HDAC9: variants seen among roughly 807,000 people sequenced by gnomAD.
HDAC9 encodes MEF-2 interacting transcription repressor (MITR) protein.
Under a neutral mutation model 139.4 loss-of-function variants are expected in HDAC9, and 41 were observed. The observed-to-expected ratio is 0.29, with a 90% confidence interval of 0.23 to 0.38. The LOEUF (loss-of-function observed/expected upper bound fraction) is 0.38, where lower values mean the gene tolerates loss of function less well. Among genes scored for constraint, HDAC9 ranks in the 10% least tolerant of loss-of-function variants. The pLI is 1.00. For missense variants in HDAC9, 1,147 were observed against 1,297.0 expected, an observed-to-expected ratio of 0.88 and a Z score of 1.78; for synonymous variants, 517 against 476.2, an observed-to-expected ratio of 1.09 and a Z score of -1.12.
At chr7:18,624,641 AG>A (rs1168159133) in intron 6 of HDAC9, among the ~76,000 whole-genome samples, 1 of 152,056 alleles carries the variant, frequency 6.6e-6, no homozygotes, top group African/African-American at 2.4e-5. Flanking sequence ...CCCATTAGTA[AG>A]TCACTGGCAT....
intron 1 of HDAC9, among the ~76,000 whole-genome samples, chr7:18,307,097 T>TGTG (rs1798962870): frequency 1.5e-5 from 2 of 134,808 alleles, no homozygotes; most frequent in African/African-American, 6.0e-5. Flanking sequence ...AGGGCAGTTC[T>TGTG]TGTGTGTGTG....
At chr7:18,189,191 C>T (rs1790144782) in intron 2 of HDAC9, among the ~76,000 whole-genome samples, 1 of 152,094 alleles carries the variant, frequency 6.6e-6, no homozygotes, top group Non-Finnish European at 1.5e-5. Flanking sequence ...ATGTCCTTTG[C>T]AGGGACACGG....
intron 22 of HDAC9, among the ~76,000 whole-genome samples, chr7:18,902,451 G>C (rs1801817426): frequency 6.6e-6 from 1 of 152,106 alleles, no homozygotes; most frequent in Non-Finnish European, 1.5e-5. Context: ...ATAACTCTCT[G>C]TGTTTGAAAC....
intron 1 of HDAC9, among the ~76,000 whole-genome samples, chr7:18,104,506 A>G (rs1188599870): frequency 6.6e-6 from 1 of 152,200 alleles, no homozygotes; most frequent in Non-Finnish European, 1.5e-5. Context: ...AAGGGTTGGG[A>G]AAAGAGAGAA....
At chr7:18,315,562 T>G (rs1294428179) in intron 1 of HDAC9, among the ~76,000 whole-genome samples, 1 of 152,206 alleles carries the variant, frequency 6.6e-6, no homozygotes, top group Non-Finnish European at 1.5e-5. Flanking sequence ...AAATACAGGC[T>G]TTAGGCTAGG....
chr7:18,705,873 A>G lies in HDAC9; in HGVS notation c.1732-21707A>G, dbSNP rs1484272057. Reference sequence around the variant, plus strand: ...GTCTCAAAAAAAAAAATAAAATAAAATAAAATAAAAGAAATGGTTCAGACC... The same window carrying G: ...GTCTCAAAAAAAAAAATAAAATAAAGTAAAATAAAAGAAATGGTTCAGACC... On this transcript the variant is annotated intron_variant, in intron 12 of 25. Coordinates refer to ENST00000686413, the MANE Select transcript of HDAC9 (RefSeq NM_178425.4). 4.6e-4 allele frequency among the ~76,000 whole-genome samples: 66 copies of G among 144,252 alleles called. 3 individuals carry two copies. The highest frequency in any genetic ancestry group is 1.7e-3 in the African/African-American group (61 of 36,102). The allele number at this position is 144,252 out of a possible 152,430, so 94.6% of individuals were successfully genotyped here.
chr7:18,247,418 A>G (rs887814965), intron 2 of HDAC9, among the ~76,000 whole-genome samples: 5 of 152,090 alleles, frequency 3.3e-5, no homozygotes, highest in African/African-American at 1.2e-4. Context: ...ATGTAATGAA[A>G]GTAAACCAAG....
intron 21 of HDAC9, among the ~76,000 whole-genome samples, chr7:18,847,182 A>T (rs1010918031): frequency 3.3e-5 from 5 of 152,196 alleles, no homozygotes; most frequent in Non-Finnish European, 5.9e-5. Context: ...GGCAGGGTTA[A>T]AGGCCACTGT....
At chr7:18,968,164 A>AAAAG (rs540179663) in intron 24 of HDAC9, among the ~76,000 whole-genome samples, 314 of 152,308 alleles carry the variant, frequency 2.1e-3, no homozygotes, top group African/African-American at 7.1e-3. Context: ...CTCCACCTAA[A>AAAAG]AAAGAAAGAA....
At chr7:18,591,181 C>T (rs576072403) in intron 4 of HDAC9, among the ~76,000 whole-genome samples, 126 of 152,144 alleles carry the variant, frequency 8.3e-4, no homozygotes, top group African/African-American at 2.9e-3. Flanking sequence ...TATTAAAATA[C>T]AGTGTTTTGT....
At chr7:18,266,412 A>C (rs1187244827) in intron 2 of HDAC9, among the ~76,000 whole-genome samples, 1 of 125,130 alleles carries the variant, frequency 8.0e-6, no homozygotes, top group Non-Finnish European at 1.9e-5. Flanking sequence ...TTCAAGTAAA[A>C]ATGTTTTTTC....
At chr7:18,580,411 T>C (rs1227565858) in intron 2 of HDAC9, among the ~76,000 whole-genome samples, 4 of 152,192 alleles carry the variant, frequency 2.6e-5, no homozygotes, top group African/African-American at 7.2e-5. Context: ...TTAATATTTA[T>C]GTGGAAAAGT....
At chr7:18,124,067 C>G (rs566693827) in intron 1 of HDAC9, among the ~76,000 whole-genome samples, 2 of 152,144 alleles carry the variant, frequency 1.3e-5, no homozygotes, top group African/African-American at 4.8e-5. Context: ...TGACTCACAG[C>G]CTGCCCCAAA....
intron 13 of HDAC9, among the ~76,000 whole-genome samples, chr7:18,745,824 G>A (rs572995023): frequency 2.7e-5 from 4 of 150,874 alleles, no homozygotes; most frequent in Admixed American, 2.0e-4. Context: ...GGGATTACAG[G>A]CGTGAGCCAC....
intron 6 of HDAC9, among the ~76,000 whole-genome samples, 192 bp downstream of exon 6, chr7:18,594,221 A>G (rs1044167541): frequency 1.3e-5 from 2 of 152,130 alleles, no homozygotes; most frequent in East Asian, 1.9e-4. Context: ...TCATGACATA[A>G]TCAAAATATC....
At chr7:18,876,377 C>T (rs918831758) in intron 22 of HDAC9, among the ~76,000 whole-genome samples, 1 of 152,044 alleles carries the variant, frequency 6.6e-6, no homozygotes, top group Admixed American at 6.6e-5. Context: ...ACTCAAGAAC[C>T]ATATGTTCTC....
At chr7:18,130,829 G>A (rs183656299) in intron 1 of HDAC9, among the ~76,000 whole-genome samples, 165 of 152,044 alleles carry the variant, frequency 1.1e-3, no homozygotes, top group African/African-American at 3.8e-3. Flanking sequence ...CCAAGTTACC[G>A]CAGTTATGGA....
At chr7:18,262,551 A>G (rs1680513093) in intron 2 of HDAC9, among the ~76,000 whole-genome samples, 1 of 152,202 alleles carries the variant, frequency 6.6e-6, no homozygotes, top group African/African-American at 2.4e-5. Context: ...AAGAAATAAC[A>G]CTAATAAGGT....
intron 2 of HDAC9, among the ~76,000 whole-genome samples, chr7:18,576,560 G>A (rs1403632761): frequency 6.6e-6 from 1 of 151,524 alleles, no homozygotes; most frequent in African/African-American, 2.4e-5. Context: ...TACTCGGGAG[G>A]CTGATGCAGG....
Sources: allele counts gnomAD v4.1 joint callset (sites outside exome capture counted in the v4.1 genomes callset), GRCh38; gene constraint gnomAD v4.1.1; transcripts MANE v1.5; gene names NCBI Gene and HGNC (gene_info 2026-07-23, HGNC 2026-07-21).